DOK5: variants seen among roughly 807,000 people sequenced by gnomAD.
The protein encoded by DOK5 is downstream of tyrosine kinase 5.
DOK5 carries 27 observed loss-of-function variants against 43.3 expected under a neutral mutation model. That is an observed-to-expected ratio of 0.62 (90% CI 0.46 to 0.86). The LOEUF (loss-of-function observed/expected upper bound fraction) is 0.86. DOK5 is among the 40% of genes least tolerant of loss of function. The pLI is 0.00. For synonymous variants in DOK5, 146 were observed against 140.1 expected (o/e 1.04, Z -0.30); for missense variants, 373 against 392.9 (o/e 0.95, Z 0.43).
chr20:54,547,047 T>A (rs1451992115), intron 1 of DOK5, among the ~76,000 whole-genome samples: 1 of 152,184 alleles, frequency 6.6e-6, no homozygotes, highest in African/African-American at 2.4e-5. Context: ...TTCTATGAGA[T>A]CTGAGCTTAA....
intron 1 of DOK5, among the ~76,000 whole-genome samples, chr20:54,488,072 A>T (rs952725588): frequency 5.3e-5 from 8 of 152,174 alleles, no homozygotes; most frequent in African/African-American, 1.9e-4. Context: ...TCTTTATACT[A>T]ATTTCTCAGT....
chr20:54,502,789 G>C (rs965613272), intron 1 of DOK5, among the ~76,000 whole-genome samples: 3 of 151,906 alleles, frequency 2.0e-5, no homozygotes, highest in Non-Finnish European at 4.4e-5. Context: ...ATTCCTGTCA[G>C]CATGGTATTT....
intron 1 of DOK5, among the ~76,000 whole-genome samples, chr20:54,552,333 T>C (rs912270841): frequency 6.6e-6 from 1 of 152,164 alleles, no homozygotes; most frequent in Non-Finnish European, 1.5e-5. Context: ...CTTTTCTATG[T>C]CCTTGGAAAT....
chr20:54,587,804 G>A (rs879887950), intron 2 of DOK5, among the ~76,000 whole-genome samples: 2 of 152,176 alleles, frequency 1.3e-5, no homozygotes, highest in Admixed American at 6.5e-5. Context: ...GCGCCACTGG[G>A]TAGTGTTCTC....
chr20:54,643,217 G>A (rs939306188), intron 6 of DOK5, among the ~76,000 whole-genome samples: 2 of 152,312 alleles, frequency 1.3e-5, no homozygotes, highest in Non-Finnish European at 2.9e-5. Flanking sequence ...TAGCTGGGTT[G>A]GAGGGAAGTT....
At chr20:54,511,837 T>C (rs1384246754) in intron 1 of DOK5, among the ~76,000 whole-genome samples, 9 of 152,242 alleles carry the variant, frequency 5.9e-5, no homozygotes, top group African/African-American at 2.2e-4. Context: ...TTTCAGATTC[T>C]TTCCCAATGA....
rs748498296 is a variant in DOK5 at position 54,610,377 on chromosome 20, T to C, written c.600-11T>C. On this transcript the variant is annotated splice_polypyrimidine_tract_variant and intron_variant, in intron 5 of 7. Transcript: ENST00000262593. Reference sequence around the variant, plus strand: ...GGATTTTCAGAAGCTGTTTTGTTTTTGTTTTCACAGGATGTGTGAGACTGG... The same window carrying C: ...GGATTTTCAGAAGCTGTTTTGTTTTCGTTTTCACAGGATGTGTGAGACTGG... 2 of 1,505,580 alleles carry C rather than the reference T, an allele frequency of 1.3e-6. No homozygotes were observed. Among genetic ancestry groups the C allele is most frequent in the Admixed American group, 4.7e-5 (2 of 42,824 alleles). 93.3% of individuals were successfully genotyped at this position (1,505,580 alleles called of 1,614,324 possible).
At chr20:54,628,662 G>A (rs1401880470) in intron 6 of DOK5, among the ~76,000 whole-genome samples, 1 of 151,996 alleles carries the variant, frequency 6.6e-6, no homozygotes. Context: ...ACTTAGCATA[G>A]CAATTAGTAT....
rs147329351 is a variant in DOK5 at position 54,480,991 on chromosome 20, C to CATCT, written c.66+4987_66+4990dup. Among the ~76,000 whole-genome samples the CATCT allele has an allele frequency of 1.3e-3, 190 of 143,262 alleles. 5 individuals are homozygous for CATCT. The highest frequency in any genetic ancestry group is 8.6e-3 in the East Asian group (44 of 5,106). The allele number at this position is 143,262 out of a possible 152,430, so 94.0% of individuals were successfully genotyped here. On this transcript the variant is annotated intron_variant, in intron 1 of 7. Transcript: ENST00000262593. ...TATCATCTATCTATCTATCATCTATCATCTATCTATCATCTATCATCTATC... is the reference window on the plus strand; with the variant it reads ...TATCATCTATCTATCTATCATCTATCATCTATCTATCTATCATCTATCATCTATC...
intron 6 of DOK5, among the ~76,000 whole-genome samples, chr20:54,640,137 A>G (rs1303268881): frequency 2.6e-5 from 4 of 152,182 alleles, no homozygotes; most frequent in Non-Finnish European, 5.9e-5. Flanking sequence ...AAAGCGGAGG[A>G]CCCAGAGAAA....
At chr20:54,572,868 C>T (rs1239866559) in intron 2 of DOK5, among the ~76,000 whole-genome samples, 2 of 152,160 alleles carry the variant, frequency 1.3e-5, no homozygotes, top group East Asian at 3.9e-4. Flanking sequence ...ATCACTGTGC[C>T]TCTCAGCCTT....
chr20:54,632,035 C>T (rs2146817670), intron 6 of DOK5, among the ~76,000 whole-genome samples: 1 of 152,226 alleles, frequency 6.6e-6, no homozygotes, highest in East Asian at 1.9e-4. Context: ...AAACATGGAC[C>T]CCTCCCCGCT....
intron 1 of DOK5, among the ~76,000 whole-genome samples, chr20:54,541,998 C>T (rs1168448650): frequency 1.3e-5 from 2 of 151,944 alleles, no homozygotes; most frequent in African/African-American, 4.8e-5. Context: ...GATCATCCCT[C>T]ACCCTATTTA....
intron 6 of DOK5, among the ~76,000 whole-genome samples, chr20:54,610,850 A>G (rs1273886781): frequency 5.9e-5 from 9 of 152,234 alleles, no homozygotes. Flanking sequence ...AAGTTATTTC[A>G]AATGTCAACA....
chr20:54,632,798 C>G (rs984905310), intron 6 of DOK5, among the ~76,000 whole-genome samples: 1 of 152,118 alleles, frequency 6.6e-6, no homozygotes, highest in African/African-American at 2.4e-5. Flanking sequence ...AATTCCTGGC[C>G]GGGAGCAGTG....
intron 1 of DOK5, among the ~76,000 whole-genome samples, chr20:54,549,471 T>C (rs956235833): frequency 6.6e-6 from 1 of 152,230 alleles, no homozygotes; most frequent in Non-Finnish European, 1.5e-5. Context: ...GTTTTCCTTA[T>C]CTTCTAATGA....
chr20:54,504,417 T>G (rs1434919935), intron 1 of DOK5, among the ~76,000 whole-genome samples: 1 of 152,246 alleles, frequency 6.6e-6, no homozygotes, highest in African/African-American at 2.4e-5. Context: ...GCCTGAGGCT[T>G]TCTCTTGTTG....
chr20:54,589,535 A>G (rs1173866779), intron 4 of DOK5, among the ~76,000 whole-genome samples: 2 of 152,264 alleles, frequency 1.3e-5, no homozygotes, highest in African/African-American at 4.8e-5. Context: ...TACAGAACAA[A>G]CCTGGATGTG....
At chr20:54,542,825 G>A (rs1984211901) in intron 1 of DOK5, among the ~76,000 whole-genome samples, 1 of 152,182 alleles carries the variant, frequency 6.6e-6, no homozygotes, top group South Asian at 2.1e-4. Flanking sequence ...GGCAGCCACA[G>A]AAACACTTTA....
Sources: allele counts gnomAD v4.1 joint callset (sites outside exome capture counted in the v4.1 genomes callset), GRCh38; gene constraint gnomAD v4.1.1; transcripts MANE v1.5; gene names NCBI Gene and HGNC (gene_info 2026-07-23, HGNC 2026-07-21).